The following CERKL variants were observed in gnomAD, a reference collection of about 807,000 sequenced individuals.
The protein encoded by CERKL is ceramide kinase-like protein.
A neutral mutation model predicts 63.4 loss-of-function variants in CERKL; 61 were observed. The ratio of observed to expected loss-of-function variants is 0.96; its 90% CI spans 0.78 to 1.19. CERKL has a LOEUF of 1.19. CERKL is among the 50% of genes most tolerant of loss of function. The pLI is 0.00. For synonymous variants in CERKL, 250 were observed against 230.5 expected, an observed-to-expected ratio of 1.08 and a Z score of -0.77; for missense variants, 675 against 655.5, an observed-to-expected ratio of 1.03 and a Z score of -0.33.
intron 1 of CERKL, among the ~76,000 whole-genome samples, chr2:181,605,492 C>T (rs976776556): frequency 6.6e-6 from 1 of 152,174 alleles, no homozygotes; most frequent in African/African-American, 2.4e-5. Flanking sequence ...ATTCATATGA[C>T]ATTATGGTAA....
intron 10 of CERKL, among the ~76,000 whole-genome samples, chr2:181,545,332 T>C (rs1687673238): frequency 6.6e-6 from 1 of 152,188 alleles, no homozygotes; most frequent in Non-Finnish European, 1.5e-5. Context: ...CATGTTCAGT[T>C]AAATGACTGA....
chr2:181,624,209 C>G (rs1052861614), intron 1 of CERKL, among the ~76,000 whole-genome samples: 2 of 151,966 alleles, frequency 1.3e-5, no homozygotes, highest in Admixed American at 6.6e-5. Context: ...TGCAGAAGAA[C>G]GATGTGCTCT....
rs1559063081 is a variant in CERKL, at chr2:181,537,211, G to C, written c.*973C>G. The C allele has an allele frequency of 6.6e-6, 3 of 452,946 alleles. No homozygotes were observed. The highest frequency in any genetic ancestry group is 1.3e-5 in the Non-Finnish European group (3 of 226,034). The allele number at this position is 452,946 out of a possible 1,614,324, so 28.1% of individuals were successfully genotyped here. A position where few individuals can be genotyped will look rare whatever the true frequency, so the allele number is the denominator to read the frequency against. ...AGATGAAAAATCAAGCCCCGATTTA[G>C]AACTGTCTTCTCCAGGATGGTCTCT... On this transcript the variant is annotated 3_prime_UTR_variant, in exon 13 of 13. Coordinates refer to ENST00000410087, the MANE Select transcript of CERKL (RefSeq NM_201548.5).
At chr2:181,596,202 A>C (rs1685201557) in intron 2 of CERKL, among the ~76,000 whole-genome samples, 1 of 152,242 alleles carries the variant, frequency 6.6e-6, no homozygotes, top group Admixed American at 6.5e-5. Flanking sequence ...ATAAGATGAC[A>C]ATGAATATAC....
At position 181,536,689 on chromosome 2, in the gene CERKL, A is replaced by G. The variant is rs576432552; in HGVS notation, c.*1495T>C. 6 of 173,438 alleles carry G rather than the reference A, an allele frequency of 3.5e-5. No homozygotes were observed. Among genetic ancestry groups the G allele is most frequent in the Admixed American group, 1.2e-4 (2 of 17,050 alleles). The allele number at this position is 173,438 out of a possible 1,614,324, so 10.7% of individuals were successfully genotyped here. ...CAGCAAAATTTTCATGAAATGTAAA[A>G]TATTTTTATAGTTTGTTCATACTAT... On this transcript the variant is annotated 3_prime_UTR_variant, in exon 13 of 13. Coordinates refer to ENST00000410087, the MANE Select transcript of CERKL (RefSeq NM_201548.5).
chr2:181,567,067 T>G (rs1455842488), intron 3 of CERKL, among the ~76,000 whole-genome samples: 1 of 152,180 alleles, frequency 6.6e-6, no homozygotes, highest in Non-Finnish European at 1.5e-5. Context: ...AGTCTTGGTG[T>G]CTAAAAGAAT....
In CERKL at chr2:181,537,133, T is replaced by TAAA; in HGVS notation, c.*1050_*1051insTTT. On this transcript the variant is annotated 3_prime_UTR_variant, in exon 13 of 13. Coordinates refer to ENST00000410087, the MANE Select transcript of CERKL (RefSeq NM_201548.5). Reference sequence around the variant, plus strand: ...GACATTTATGTATTTTTAAAAAACTTTGTATCGTTATAAAAAGGCTAGTCA... The same window carrying TAAA: ...GACATTTATGTATTTTTAAAAAACTTAAATGTATCGTTATAAAAAGGCTAGTCA... The TAAA allele has an allele frequency of 2.2e-6, 1 of 453,504 alleles. No homozygotes were observed. The highest frequency in any genetic ancestry group is 4.4e-6 in the Non-Finnish European group (1 of 226,632). The allele number at this position is 453,504 out of a possible 1,614,324, so 28.1% of individuals were successfully genotyped here.
At chr2:181,615,236 G>T (rs1220044130) in intron 1 of CERKL, among the ~76,000 whole-genome samples, 1 of 152,150 alleles carries the variant, frequency 6.6e-6, no homozygotes, top group Non-Finnish European at 1.5e-5. Context: ...CTCCTGGCAG[G>T]TTACCTTGTC....
chr2:181,623,608 C>A (rs1246363276), intron 1 of CERKL, among the ~76,000 whole-genome samples: 2 of 152,154 alleles, frequency 1.3e-5, no homozygotes, highest in Non-Finnish European at 2.9e-5. Context: ...CACAGAGAAG[C>A]CTTTTAGACA....
chr2:181,583,300 A>AC (rs1201745762), intron 2 of CERKL, among the ~76,000 whole-genome samples: 3 of 151,786 alleles, frequency 2.0e-5, no homozygotes, highest in Admixed American at 2.0e-4. Context: ...TTCCCTACCC[A>AC]CCCCCCAACT....
intron 3 of CERKL, 110 bp downstream of exon 3, chr2:181,573,643 G>A (rs1689002668): frequency 1.1e-6 from 1 of 904,840 alleles, no homozygotes; most frequent in Admixed American, 2.1e-5. Context: ...ACGTAAAAAT[G>A]CTATAGATAT....
intron 1 of CERKL, among the ~76,000 whole-genome samples, chr2:181,630,946 G>A (rs1001563912): frequency 2.6e-5 from 4 of 152,152 alleles, no homozygotes; most frequent in African/African-American, 9.7e-5. Flanking sequence ...CCAAATGTGG[G>A]CACTGAAGAA....
intron 1 of CERKL, among the ~76,000 whole-genome samples, chr2:181,648,121 T>C (rs1308391190): frequency 1.3e-5 from 2 of 152,086 alleles, no homozygotes; most frequent in Non-Finnish European, 2.9e-5. Context: ...TTTAATGAAA[T>C]AATAGCTAAA....
chr2:181,594,144 T>C (rs1336020610), intron 2 of CERKL, among the ~76,000 whole-genome samples: 3 of 152,240 alleles, frequency 2.0e-5, no homozygotes, highest in African/African-American at 7.2e-5. Flanking sequence ...TACTGAGCTA[T>C]GCAGTGTGCC....
At chr2:181,545,003 A>C (rs1687660631) in intron 10 of CERKL, among the ~76,000 whole-genome samples, 1 of 152,174 alleles carries the variant, frequency 6.6e-6, no homozygotes, top group African/African-American at 2.4e-5. Context: ...AGTTTTATTA[A>C]ATCACTGGCT....
chr2:181,647,813 T>TA (rs1263953444), intron 1 of CERKL, among the ~76,000 whole-genome samples: 1 of 151,830 alleles, frequency 6.6e-6, no homozygotes, highest in African/African-American at 2.4e-5. Context: ...ATAATGATCT[T>TA]AAAAAAATTC....
intron 11 of CERKL, 63 bp downstream of exon 11, chr2:181,544,637 G>A (rs1434435689): frequency 5.4e-6 from 5 of 917,844 alleles, no homozygotes; most frequent in East Asian, 2.5e-5. Context: ...GTCAATTCTT[G>A]CAGCATCTTT....
intron 5 of CERKL, among the ~76,000 whole-genome samples, chr2:181,554,373 T>C (rs528699571): frequency 3.3e-5 from 5 of 152,220 alleles, no homozygotes; most frequent in African/African-American, 9.6e-5. Flanking sequence ...GCCTGAAATA[T>C]CATAGAAATT....
At chr2:181,643,764 C>G (rs1246368310) in intron 1 of CERKL, among the ~76,000 whole-genome samples, 1 of 152,198 alleles carries the variant, frequency 6.6e-6, no homozygotes, top group African/African-American at 2.4e-5. Flanking sequence ...CTAAATTGAT[C>G]ACTCTTAAAC....
Sources: gnomAD v4.1 joint callset for allele counts (sites outside exome capture counted in the v4.1 genomes callset) on GRCh38, gnomAD v4.1.1 for gene constraint, MANE v1.5 for transcripts, NCBI Gene and HGNC (gene_info 2026-07-23, HGNC 2026-07-21) for gene names.